The following ENDOV variants were observed in gnomAD, a reference collection of about 807,000 sequenced individuals.
ENDOV encodes the protein endonuclease V.
Under a neutral mutation model 39.4 loss-of-function variants are expected in ENDOV, and 37 were observed. The ratio of observed to expected loss-of-function variants is 0.94; its 90% CI spans 0.72 to 1.23. The LOEUF (loss-of-function observed/expected upper bound fraction) is 1.23, where lower values mean the gene tolerates loss of function less well. Among genes scored for constraint, ENDOV ranks in the 50% most tolerant of loss-of-function variants. The pLI is 0.00. For missense variants in ENDOV, 441 were observed against 375.7 expected (o/e 1.17, Z -1.44); for synonymous variants, 186 against 163.4 (o/e 1.14, Z -1.05).
intron 5 of ENDOV, among the ~76,000 whole-genome samples, chr17:80,424,738 G>A (rs1365507546): frequency 6.6e-6 from 1 of 152,152 alleles, no homozygotes; most frequent in Admixed American, 6.5e-5. Context: ...GGTGGATCAC[G>A]CGATTAGGAG....
At chr17:80,424,739 C>A (rs997592466) in intron 5 of ENDOV, among the ~76,000 whole-genome samples, 1 of 152,098 alleles carries the variant, frequency 6.6e-6, no homozygotes, top group Non-Finnish European at 1.5e-5. Flanking sequence ...GTGGATCACG[C>A]GATTAGGAGA....
chr17:80,430,306 A>G (rs2145124381), intron 9 of ENDOV: 1 of 1,512,018 alleles, frequency 6.6e-7, no homozygotes, highest in Non-Finnish European at 8.8e-7. Flanking sequence ...TGCTTTGCCC[A>G]CCCCTTTCAA....
In ENDOV at chr17:80,415,658, C is replaced by G. The variant is rs1029602012; in HGVS notation, c.65C>G (p.Ala22Gly). 1.3e-5 allele frequency: 21 copies of G among 1,612,352 alleles called. No individual in the cohort carries two copies. The highest frequency in any genetic ancestry group is 1.8e-5 in the Non-Finnish European group (21 of 1,179,248). Reference protein sequence around the residue: ...ETLSLWKREQARLKAHVVDRD... With the variant: ...ETLSLWKREQGRLKAHVVDRD... Reference sequence around the variant, plus strand: ...CGCTTCTGTCCTCCTAGGGAGCAAGCTCGGCTGAAGGCCCACGTCGTAGAC... The same window carrying G: ...CGCTTCTGTCCTCCTAGGGAGCAAGGTCGGCTGAAGGCCCACGTCGTAGAC... The change falls in exon 2 of 10, where the codon GCT (alanine) becomes GGT (glycine). Residue 22 changes from alanine to glycine, a missense_variant. By Grantham distance (60) the Ala-to-Gly change is moderately conservative. Coordinates refer to ENST00000518137, the MANE Select transcript of ENDOV (RefSeq NM_173627.5).
rs372695550 is a variant in ENDOV at position 80,421,835 on chromosome 17, A to T, written c.236A>T (p.Tyr79Phe). The T allele has an allele frequency of 1.3e-6, 2 of 1,597,200 alleles. No individual in the cohort carries two copies. The highest frequency in any genetic ancestry group is 1.7e-6 in the Non-Finnish European group (2 of 1,172,394). The change falls in exon 3 of 10, where the codon TAT becomes TTT. Residue 79 changes from tyrosine (Y) to phenylalanine (F), a missense_variant. By Grantham distance (22) the Tyr-to-Phe change is conservative. Coordinates refer to ENST00000518137, the MANE Select transcript of ENDOV (RefSeq NM_173627.5). ...VLSFPELEVV[Y>F]EESRMVSLTA... The stretch of plus-strand genomic sequence containing the variant: ...CTGCGTGCCTGGTGTCAGGTGGTGT[A>T]TGAGGAGAGCCGCATGGTCAGCCTC...
At chr17:80,428,918 C>T (rs1297331747) in intron 8 of ENDOV, among the ~76,000 whole-genome samples, 1 of 152,206 alleles carries the variant, frequency 6.6e-6, no homozygotes, top group Non-Finnish European at 1.5e-5. Flanking sequence ...CCTGTCTGGT[C>T]CAAGCCCTAC....
intron 2 of ENDOV, 135 bp downstream of exon 2, chr17:80,415,956 G>A: frequency 8.4e-7 from 1 of 1,183,774 alleles, no homozygotes; most frequent in Non-Finnish European, 1.2e-6. Flanking sequence ...CTGGGGAGTT[G>A]GCCGGGCGCG....
At chr17:80,415,895 C>T in intron 2 of ENDOV, 74 bp downstream of exon 2, 2 of 1,511,512 alleles carry the variant, frequency 1.3e-6, no homozygotes, top group Non-Finnish European at 1.8e-6. Context: ...GGACAGGGAG[C>T]AGTGCAAGCG....
chr17:80,423,315 C>T (rs2082292314), intron 4 of ENDOV, among the ~76,000 whole-genome samples: 1 of 152,264 alleles, frequency 6.6e-6, no homozygotes, highest in Admixed American at 6.5e-5. Context: ...AGGAGGCTTC[C>T]TCCACGGCCT....
intron 2 of ENDOV, among the ~76,000 whole-genome samples, chr17:80,421,189 C>A (rs1205551700): frequency 6.7e-6 from 1 of 149,328 alleles, no homozygotes; most frequent in African/African-American, 2.5e-5. Context: ...GTCCCGGAGG[C>A]TCCTCCTATG....
chr17:80,419,170 CA>C (rs67490024), intron 2 of ENDOV, among the ~76,000 whole-genome samples: 44,969 of 103,332 alleles, frequency 0.44, 7,392 homozygotes, highest in Middle Eastern at 0.51. Flanking sequence ...AGGACTCTGT[CA>C]AAAAAAAAAA....
At chr17:80,432,454 C>T (rs1052172037) in intron 9 of ENDOV, among the ~76,000 whole-genome samples, 1 of 152,128 alleles carries the variant, frequency 6.6e-6, no homozygotes, top group Non-Finnish European at 1.5e-5. Flanking sequence ...CCTGAAACCT[C>T]TGAATGTCAC....
At chr17:80,415,582 C>T in intron 1 of ENDOV, 68 bp from the exon 2 acceptor site, 2 of 1,545,484 alleles carry the variant, frequency 1.3e-6, no homozygotes, top group South Asian at 1.2e-5. Context: ...TCCGCTGCAG[C>T]CGCGCGGGTG....
chr17:80,428,456 C>A (rs1383468739), intron 7 of ENDOV, 140 bp from the exon 8 acceptor site: 1 of 811,680 alleles, frequency 1.2e-6, no homozygotes, highest in African/African-American at 1.7e-5. Flanking sequence ...GCCGCGGCTC[C>A]TGAGCCTGAA....
chr17:80,434,468 G>T (rs1236120373), intron 9 of ENDOV, among the ~76,000 whole-genome samples: 1 of 152,186 alleles, frequency 6.6e-6, no homozygotes, highest in Non-Finnish European at 1.5e-5. Flanking sequence ...CCTAGGAGTA[G>T]AATTTCTGGG....
At chr17:80,421,744 G>A in intron 2 of ENDOV, 84 bp from the exon 3 acceptor site, 1 of 1,509,636 alleles carries the variant, frequency 6.6e-7, no homozygotes, top group African/African-American at 1.4e-5. Context: ...AGGGAAGGAT[G>A]AGGGGGGCAG....
chr17:80,433,034 A>T, intron 9 of ENDOV: 1 of 489,832 alleles, frequency 2.0e-6, no homozygotes, highest in Non-Finnish European at 4.1e-6. Context: ...CCCCAAACAA[A>T]TGCCTCTCCC....
intron 4 of ENDOV, 52 bp downstream of exon 4, chr17:80,422,297 G>GA (rs1464581497): frequency 1.0e-5 from 16 of 1,598,522 alleles, no homozygotes; most frequent in Middle Eastern, 1.7e-4. Flanking sequence ...AGAGCGGGGG[G>GA]AGAGGGCACC....
At chr17:80,419,457 A>G (rs1389325085) in intron 2 of ENDOV, 1 of 638,848 alleles carries the variant, frequency 1.6e-6, no homozygotes, top group East Asian at 2.8e-5. Flanking sequence ...CCAGATGCTG[A>G]GCGATGGCTG....
intron 9 of ENDOV, among the ~76,000 whole-genome samples, chr17:80,432,041 G>T (rs1179668051): frequency 6.6e-6 from 1 of 152,112 alleles, no homozygotes; most frequent in Non-Finnish European, 1.5e-5. Context: ...GCCACATGTG[G>T]GGTGCAGACC....
Sources: allele counts gnomAD v4.1 joint callset (sites outside exome capture counted in the v4.1 genomes callset), GRCh38; gene constraint gnomAD v4.1.1; transcripts MANE v1.5; gene names NCBI Gene and HGNC (gene_info 2026-07-23, HGNC 2026-07-21).